The following KCNMA1 variants were observed in gnomAD, a reference collection of about 807,000 sequenced individuals.
KCNMA1 encodes Calcium-activated potassium channel subunit alpha-1.
KCNMA1 carries 29 observed loss-of-function variants against 140.0 expected under a neutral mutation model. The ratio of observed to expected loss-of-function variants is 0.21; its 90% CI spans 0.15 to 0.28. The LOEUF is 0.28. Among genes scored for constraint, KCNMA1 ranks in the 10% least tolerant of loss-of-function variants. The probability of loss-of-function intolerance (pLI) is 1.00; values close to 1 mark genes in which losing one functional copy is unlikely to be tolerated. For missense variants in KCNMA1, 880 were observed against 1,602.2 expected, an observed-to-expected ratio of 0.55 and a Z score of 7.70; for synonymous variants, 612 against 611.9, an observed-to-expected ratio of 1.00 and a Z score of 0.00.
At chr10:76,914,006 A>T in intron 24 of KCNMA1, 1 of 1,376,168 alleles carries the variant, frequency 7.3e-7, no homozygotes, top group Non-Finnish European at 1.0e-6. Context: ...TGGAAACACC[A>T]ACAACAGAAC....
intron 19 of KCNMA1, chr10:76,979,393 A>G (rs2078705554): frequency 6.6e-6 from 1 of 152,178 alleles, no homozygotes; most frequent in Non-Finnish European, 1.5e-5. Flanking sequence ...CCTGGTTAAC[A>G]CAATGTTGAT....
At chr10:77,107,749 C>A (rs903702245) in intron 9 of KCNMA1, among the ~76,000 whole-genome samples, 5 of 152,152 alleles carry the variant, frequency 3.3e-5, no homozygotes, top group Non-Finnish European at 7.3e-5. Flanking sequence ...ATTTCTTGCC[C>A]GGAAGGAATT....
intron 13 of KCNMA1, 89 bp downstream of exon 13, chr10:77,079,391 TG>T (rs533066378): frequency 8.5e-5 from 65 of 767,664 alleles, no homozygotes; most frequent in African/African-American, 8.3e-4. Context: ...TGTGTGTGTG[TG>T]TGTGTGTGTG....
At chr10:77,061,131 C>A (rs979532905) in intron 14 of KCNMA1, among the ~76,000 whole-genome samples, 3 of 152,110 alleles carry the variant, frequency 2.0e-5, no homozygotes, top group Admixed American at 1.3e-4. Context: ...AGTGGTATTT[C>A]TGAGTCATAT....
intron 1 of KCNMA1, among the ~76,000 whole-genome samples, chr10:77,539,082 C>G (rs1191248712): frequency 1.3e-5 from 2 of 152,160 alleles, no homozygotes; most frequent in African/African-American, 4.8e-5. Flanking sequence ...AGGGAAGAAG[C>G]TGGAGACTCT....
intron 25 of KCNMA1, among the ~76,000 whole-genome samples, chr10:76,905,311 C>A (rs760742159): frequency 1.3e-5 from 2 of 152,074 alleles, no homozygotes; most frequent in South Asian, 4.1e-4. Context: ...TCAAGGGTTG[C>A]GCTTCAGGAA....
intron 15 of KCNMA1, among the ~76,000 whole-genome samples, chr10:77,030,148 T>C (rs2093820071): frequency 6.6e-6 from 1 of 152,188 alleles, no homozygotes; most frequent in African/African-American, 2.4e-5. Context: ...GGACCACTTC[T>C]ATCCAGGCAT....
At chr10:77,608,547 G>A (rs1036139522) in intron 1 of KCNMA1, among the ~76,000 whole-genome samples, 3 of 152,018 alleles carry the variant, frequency 2.0e-5, no homozygotes, top group African/African-American at 7.2e-5. Context: ...ACACACACAC[G>A]CATTATAGTC....
intron 5 of KCNMA1, among the ~76,000 whole-genome samples, chr10:77,152,127 A>T (rs1453915606): frequency 6.6e-6 from 1 of 152,138 alleles, no homozygotes; most frequent in Non-Finnish European, 1.5e-5. Flanking sequence ...TGTCTTTTTC[A>T]TCTTGTCATC....
chr10:77,169,749 AAAT>A (rs2098682424), intron 5 of KCNMA1, among the ~76,000 whole-genome samples: 1 of 150,954 alleles, frequency 6.6e-6, no homozygotes, highest in Non-Finnish European at 1.5e-5. Flanking sequence ...TCCACTCAGG[AAAT>A]AATAAGCTAA....
rs1368113038 is a variant in KCNMA1, at chr10:77,624,877, A to C, written c.378+12388T>G. On this transcript the variant is annotated intron_variant, in intron 1 of 27. Coordinates refer to ENST00000286628, the MANE Select transcript of KCNMA1 (RefSeq NM_001161352.2). Reference sequence around the variant, plus strand: ...TGCTCTCAATGTGGGCAGGGCCTACATCAAAGTCAGCCTGGGTGCTTCTAG... The same window carrying C: ...TGCTCTCAATGTGGGCAGGGCCTACCTCAAAGTCAGCCTGGGTGCTTCTAG... Among the ~76,000 whole-genome samples, 5 of 152,176 alleles carry C rather than the reference A, an allele frequency of 3.3e-5. No homozygotes were observed. The East Asian group carries it at 7.8e-4, about 24-fold the overall frequency.
At chr10:77,536,704 T>A (rs1200400252) in intron 1 of KCNMA1, among the ~76,000 whole-genome samples, 3 of 152,198 alleles carry the variant, frequency 2.0e-5, no homozygotes. Context: ...CACTCTGATA[T>A]GTCTGTCAGC....
intron 19 of KCNMA1, chr10:76,995,725 A>G: frequency 2.1e-6 from 1 of 469,054 alleles, no homozygotes; most frequent in Non-Finnish European, 4.4e-6. Flanking sequence ...TGAAATAAAA[A>G]AGCAAACATA....
chr10:77,284,451 C>T (rs1447185383), intron 2 of KCNMA1, among the ~76,000 whole-genome samples: 1 of 152,172 alleles, frequency 6.6e-6, no homozygotes, highest in Non-Finnish European at 1.5e-5. Context: ...TCAAATTTCT[C>T]TTTGACAGGC....
chr10:76,994,541 A>G (rs927342372), intron 19 of KCNMA1, among the ~76,000 whole-genome samples: 2 of 152,208 alleles, frequency 1.3e-5, no homozygotes, highest in Non-Finnish European at 2.9e-5. Flanking sequence ...CAGAATATAG[A>G]TCTCTTTGGG....
chr10:77,354,551 T>C (rs1321377803), intron 2 of KCNMA1: 1 of 152,172 alleles, frequency 6.6e-6, no homozygotes, highest in South Asian at 2.1e-4. Flanking sequence ...TGTTGCCCCA[T>C]TTGAAGAAAG....
intron 1 of KCNMA1, among the ~76,000 whole-genome samples, chr10:77,616,925 G>A (rs2089774100): frequency 6.6e-6 from 1 of 152,120 alleles, no homozygotes. Flanking sequence ...GCTTGCCCAA[G>A]ATCCAAAGGT....
At chr10:77,295,556 T>C (rs888787037) in intron 2 of KCNMA1, among the ~76,000 whole-genome samples, 3 of 147,452 alleles carry the variant, frequency 2.0e-5, no homozygotes, top group South Asian at 2.2e-4. Context: ...CCGAGGCGGG[T>C]GGATCATGAG....
intron 19 of KCNMA1, among the ~76,000 whole-genome samples, chr10:77,000,576 T>C (rs2085909758): frequency 6.6e-6 from 1 of 152,172 alleles, no homozygotes; most frequent in Non-Finnish European, 1.5e-5. Context: ...GCCTGTGCTA[T>C]GGACTCAGGG....
Sources: allele counts gnomAD v4.1 joint callset (sites outside exome capture counted in the v4.1 genomes callset), GRCh38; gene constraint gnomAD v4.1.1; transcripts MANE v1.5; gene names NCBI Gene and HGNC (gene_info 2026-07-23, HGNC 2026-07-21).